ROR2: variants seen among roughly 807,000 people sequenced by gnomAD.
The protein encoded by ROR2 is ROR family WNT receptor 2.
Under a neutral mutation model 74.9 loss-of-function variants are expected in ROR2, and 33 were observed. That is an observed-to-expected ratio of 0.44 (90% confidence interval 0.33 to 0.59). The LOEUF is 0.59. Among genes scored for constraint, ROR2 ranks in the 20% least tolerant of loss-of-function variants. The pLI is 0.02. For missense variants in ROR2, 1,216 were observed against 1,313.8 expected, an observed-to-expected ratio of 0.93 and a Z score of 1.15; for synonymous variants, 586 against 558.7, an observed-to-expected ratio of 1.05 and a Z score of -0.69.
chr9:91,748,666 A>G (rs752518572), intron 4 of ROR2, among the ~76,000 whole-genome samples: 1 of 152,244 alleles, frequency 6.6e-6, no homozygotes, highest in Non-Finnish European at 1.5e-5. Flanking sequence ...TAGCAGAATC[A>G]ATGAACCACC....
chr9:91,796,013 C>CA (rs1031204175), intron 1 of ROR2, among the ~76,000 whole-genome samples: 2 of 152,128 alleles, frequency 1.3e-5, no homozygotes, highest in Non-Finnish European at 1.5e-5. Context: ...CACTCCCAGG[C>CA]AAAGATCCCC....
intron 1 of ROR2, among the ~76,000 whole-genome samples, chr9:91,920,300 G>C (rs557743395): frequency 2.6e-5 from 4 of 152,182 alleles, no homozygotes; most frequent in African/African-American, 7.2e-5. Flanking sequence ...GAGCCCAGGA[G>C]TTAATGATCA....
At chr9:91,739,173 T>A (rs1825134689) in intron 4 of ROR2, among the ~76,000 whole-genome samples, 1 of 152,152 alleles carries the variant, frequency 6.6e-6, no homozygotes, top group Non-Finnish European at 1.5e-5. Context: ...CCATTCTACA[T>A]CCATTTAGAG....
intron 1 of ROR2, among the ~76,000 whole-genome samples, chr9:91,917,174 G>T (rs1309487452): frequency 6.6e-6 from 1 of 152,150 alleles, no homozygotes; most frequent in Non-Finnish European, 1.5e-5. Context: ...GGTCTGGCAT[G>T]AATTTCAAAT....
chr9:91,797,049 AC>A (rs1472636846), intron 1 of ROR2, among the ~76,000 whole-genome samples: 1 of 77,894 alleles, frequency 1.3e-5, no homozygotes, highest in Non-Finnish European at 2.5e-5. Flanking sequence ...TGGGGCTGAC[AC>A]CCTGGCTCTG....
intron 8 of ROR2, among the ~76,000 whole-genome samples, chr9:91,725,984 T>A (rs1394466170): frequency 1.3e-5 from 2 of 152,196 alleles, no homozygotes; most frequent in Admixed American, 6.5e-5. Context: ...TGAGTGTAAA[T>A]GCCCTTTTAC....
intron 1 of ROR2, among the ~76,000 whole-genome samples, chr9:91,864,067 G>A (rs933559561): frequency 3.3e-5 from 5 of 152,164 alleles, no homozygotes; most frequent in African/African-American, 9.7e-5. Flanking sequence ...AGATGCAGGC[G>A]GGCTTAGTTT....
chr9:91,940,028 C>T (rs1831806765), intron 1 of ROR2, among the ~76,000 whole-genome samples: 1 of 152,222 alleles, frequency 6.6e-6, no homozygotes, highest in Non-Finnish European at 1.5e-5. Context: ...TTCCTGGGCT[C>T]TGCACCCAGA....
intron 1 of ROR2, among the ~76,000 whole-genome samples, chr9:91,912,648 G>C (rs1831025392): frequency 6.6e-6 from 1 of 151,876 alleles, no homozygotes; most frequent in African/African-American, 2.4e-5. Context: ...AAGTGTTTTG[G>C]GAAAAAAATT....
intron 6 of ROR2, among the ~76,000 whole-genome samples, chr9:91,732,570 C>A (rs1319042396): frequency 1.3e-5 from 2 of 152,198 alleles, no homozygotes; most frequent in African/African-American, 4.8e-5. Flanking sequence ...GTTACAGGTT[C>A]TTCTCAGGTG....
chr9:91,832,058 T>C (rs1828477565), intron 1 of ROR2, among the ~76,000 whole-genome samples: 1 of 152,076 alleles, frequency 6.6e-6, no homozygotes, highest in Non-Finnish European at 1.5e-5. Context: ...GGCTTGACCA[T>C]AAAGTCACCA....
intron 1 of ROR2, among the ~76,000 whole-genome samples, chr9:91,900,246 A>C (rs1587832549): frequency 6.6e-6 from 1 of 152,224 alleles, no homozygotes; most frequent in Non-Finnish European, 1.5e-5. Flanking sequence ...GCAGCCTCGC[A>C]TCCAGAGGCC....
chr9:91,826,006 T>G (rs113439689), intron 1 of ROR2, among the ~76,000 whole-genome samples: 2 of 152,228 alleles, frequency 1.3e-5, no homozygotes, highest in Non-Finnish European at 2.9e-5. Flanking sequence ...TCTCACTGGG[T>G]GGCTTCGCCC....
chr9:91,863,834 G>C (rs578060956), intron 1 of ROR2, among the ~76,000 whole-genome samples: 3 of 152,278 alleles, frequency 2.0e-5, no homozygotes, highest in East Asian at 1.9e-4. Context: ...GGTAATGGTT[G>C]CAAAACTCTG....
intron 1 of ROR2, among the ~76,000 whole-genome samples, chr9:91,920,890 C>G (rs1433814149): frequency 6.6e-6 from 1 of 152,230 alleles, no homozygotes; most frequent in Non-Finnish European, 1.5e-5. Flanking sequence ...GTGTGCTTCA[C>G]TGATCTGCAT....
chr9:91,783,587 C>T (rs1386229167), intron 1 of ROR2, among the ~76,000 whole-genome samples: 1 of 149,142 alleles, frequency 6.7e-6, no homozygotes, highest in Non-Finnish European at 1.5e-5. Flanking sequence ...CACTTCACCC[C>T]TCCAGGGTTT....
intron 1 of ROR2, among the ~76,000 whole-genome samples, chr9:91,847,937 T>C (rs1166820127): frequency 6.6e-6 from 1 of 152,194 alleles, no homozygotes; most frequent in Non-Finnish European, 1.5e-5. Flanking sequence ...CAGCTCTGCC[T>C]GGCAGTACAG....
intron 1 of ROR2, among the ~76,000 whole-genome samples, chr9:91,873,493 C>T (rs528832778): frequency 6.6e-6 from 1 of 152,300 alleles, no homozygotes; most frequent in African/African-American, 2.4e-5. Flanking sequence ...TAGGCTGAGA[C>T]AGGAGAATTG....
At chr9:91,803,799 C>A (rs1021030967) in intron 1 of ROR2, among the ~76,000 whole-genome samples, 1 of 152,192 alleles carries the variant, frequency 6.6e-6, no homozygotes, top group Admixed American at 6.5e-5. Flanking sequence ...TGCATAAAAC[C>A]GACAGCTTAT....
Sources: allele counts gnomAD v4.1 joint callset (sites outside exome capture counted in the v4.1 genomes callset), GRCh38; gene constraint gnomAD v4.1.1; transcripts MANE v1.5; gene names NCBI Gene and HGNC (gene_info 2026-07-23, HGNC 2026-07-21).